Variants in MTSS2 observed in about 807,000 individuals in gnomAD.
MTSS2 encodes the protein MTSS I-BAR domain containing 2.
A neutral mutation model predicts 67.1 loss-of-function variants in MTSS2; 27 were observed. The ratio of observed to expected loss-of-function variants is 0.40; its 90% confidence interval spans 0.30 to 0.55. The LOEUF (loss-of-function observed/expected upper bound fraction) is 0.55. Ranked by LOEUF, MTSS2 falls within the 20% of genes least tolerant of loss-of-function variation. The pLI is 0.43. For synonymous variants in MTSS2, 624 were observed against 468.6 expected, an observed-to-expected ratio of 1.33 and a Z score of -4.28; for missense variants, 1,171 against 1,067.8, an observed-to-expected ratio of 1.10 and a Z score of -1.35.
At chr16:70,677,765 T>C (rs752668089) in intron 9 of MTSS2, 27 bp downstream of exon 9, 75 of 1,575,512 alleles carry the variant, frequency 4.8e-5, no homozygotes, top group South Asian at 4.3e-4. Context: ...CCCCTGGCCC[T>C]GGCCCTTGGC....
intron 11 of MTSS2, among the ~76,000 whole-genome samples, chr16:70,667,267 A>C (rs1298634896): frequency 2.3e-5 from 3 of 128,848 alleles, no homozygotes; most frequent in Non-Finnish European, 1.6e-5. Context: ...TGACAGAGCA[A>C]GACTCTGTCT....
chr16:70,680,653 C>T (rs2053274156), intron 3 of MTSS2, 141 bp downstream of exon 3: 1 of 717,796 alleles, frequency 1.4e-6, no homozygotes, highest in Admixed American at 2.5e-5. Flanking sequence ...CTCTCCACAA[C>T]CAGCCCACTC....
At chr16:70,667,848 G>C (rs1179080227) in intron 11 of MTSS2, among the ~76,000 whole-genome samples, 6 of 152,078 alleles carry the variant, frequency 3.9e-5, no homozygotes, top group Non-Finnish European at 7.3e-5. Flanking sequence ...ACTCCAGCCT[G>C]GGTGACAGAG....
chr16:70,665,316 G>T, intron 12 of MTSS2, 150 bp downstream of exon 12: 1 of 974,092 alleles, frequency 1.0e-6, no homozygotes, highest in Non-Finnish European at 1.5e-6. Flanking sequence ...GTAGGAAATG[G>T]CCAGGTGGCT....
rs141561579 is a variant in MTSS2, at chr16:70,684,711, C to T, written c.69+1012G>A. 5.6e-4 allele frequency among the ~76,000 whole-genome samples: 85 copies of T among 152,292 alleles called. No homozygotes were observed. The East Asian group carries it at 0.012, about 21-fold the overall frequency. On this transcript the variant is annotated intron_variant, in intron 1 of 14. Coordinates refer to ENST00000338779, the MANE Select transcript of MTSS2 (RefSeq NM_138383.3). ...TCCCAGCCCCCAAATCCTGCCCCTT[C>T]ATCCTAGGCTAAGGAAAGGGGGCAC...
At chr16:70,675,830 G>A (rs1360021854) in intron 10 of MTSS2, among the ~76,000 whole-genome samples, 1 of 152,170 alleles carries the variant, frequency 6.6e-6, no homozygotes, top group Non-Finnish European at 1.5e-5. Context: ...CTTCCAAGTG[G>A]GTCCTGCACC....
rs762859285 is a variant in MTSS2, at chr16:70,663,689, G to A, written c.2232C>T (p.Pro744=). ...GAGGGTGGCGCCATCATAAGATGCG[G>A]GGCGCCGACCTGTCGTTGGTGACGG... ...RRTVTNDRSA[P]RIL Residue 744 remains proline (P), a synonymous_variant, in exon 15 of 15, where the codon CCC becomes CCT. Transcript: ENST00000338779. The A allele has an allele frequency of 2.4e-5, 38 of 1,585,560 alleles. No individual in the cohort carries two copies. Among genetic ancestry groups the A allele is most frequent in the Non-Finnish European group, 3.2e-5 (37 of 1,166,986 alleles).
At position 70,676,918 on chromosome 16, in the gene MTSS2, G is replaced by C; in HGVS notation, c.793C>G (p.Pro265Ala). ...SWSYQTPPSS[P>A]SSSSSRKSSM... ...GACTTCCGGGAGCTGGAGCTGCTGG[G>C]TGATGAGGGTGGGGTCTGGTAGGAC... is the stretch of plus-strand genomic sequence containing the variant. Residue 265 changes from proline (P) to alanine (A), a missense_variant, in exon 10 of 15, where the codon CCC (proline) becomes GCC (alanine). Coordinates refer to ENST00000338779, the MANE Select transcript of MTSS2 (RefSeq NM_138383.3). 6.2e-7 allele frequency: 1 copy of C among 1,613,848 alleles called. No individual in the cohort carries two copies. The highest frequency in any genetic ancestry group is 8.5e-7 in the Non-Finnish European group (1 of 1,179,980).
At position 70,677,887 on chromosome 16, in the gene MTSS2, T is replaced by C. The variant is rs2053172053; in HGVS notation, c.637A>G (p.Thr213Ala). 3 of 1,608,628 alleles carry C rather than the reference T, an allele frequency of 1.9e-6. No homozygotes were observed. Among genetic ancestry groups the C allele is most frequent in the South Asian group, 2.2e-5 (2 of 89,492 alleles). Residue 213 changes from threonine to alanine, a missense_variant, in exon 9 of 15, where the codon ACC (threonine) becomes GCC (alanine). By Grantham distance (58) the Thr-to-Ala change is moderately conservative. This residue lies in a region of MTSS2 where 247 missense variants were observed against 311.8 expected (regional missense o/e 0.79). Coordinates refer to ENST00000338779, the MANE Select transcript of MTSS2 (RefSeq NM_138383.3). The part of the protein sequence containing the change: ...FLQPVVNGEL[T>A]MLGEITHLQG... ...AGGTGGGTGATCTCTCCCAGCATGG[T>C]CAGCTCTCCATTCTGAGGAAGCAGC... is the stretch of plus-strand genomic sequence containing the variant.
chr16:70,673,464 CG>C (rs1233167123), intron 11 of MTSS2, among the ~76,000 whole-genome samples: 1 of 152,026 alleles, frequency 6.6e-6, no homozygotes, highest in African/African-American at 2.4e-5. Flanking sequence ...CCTGGCAAAA[CG>C]AACTTTCAAG....
In MTSS2 at chr16:70,664,464, C is replaced by G. The variant is rs377261783; in HGVS notation, c.1472-15G>C. The G allele has an allele frequency of 1.5e-5, 23 of 1,538,020 alleles. No individual in the cohort carries two copies. Among genetic ancestry groups the G allele is most frequent in the Non-Finnish European group, 2.0e-5 (23 of 1,142,048 alleles). On this transcript the variant is annotated splice_polypyrimidine_tract_variant and intron_variant, in intron 14 of 14. Transcript: ENST00000338779. ...GTAGTCGGAGCCTGGGGGCACGGGA[C>G]ACAGTGAGGCCCAGGGCCCAGGTGG...
rs1016238196 is a variant in MTSS2 at position 70,661,765 on chromosome 16, C to T, written c.*1912G>A. On this transcript the variant is annotated 3_prime_UTR_variant, in exon 15 of 15. Coordinates refer to ENST00000338779, the MANE Select transcript of MTSS2 (RefSeq NM_138383.3). Reference sequence around the variant, plus strand: ...CACACGAGCCCCCCTCTCTGGGTAGCCCCTGCCTCCTTTCCCATCAGGACC... The same window carrying T: ...CACACGAGCCCCCCTCTCTGGGTAGTCCCTGCCTCCTTTCCCATCAGGACC... 1 of 194,598 alleles carries T rather than the reference C, an allele frequency of 5.1e-6. No individual in the cohort carries two copies. Among genetic ancestry groups the T allele is most frequent in the Non-Finnish European group, 1.1e-5 (1 of 94,454 alleles). The allele number at this position is 194,598 out of a possible 1,614,324, so 12.1% of individuals were successfully genotyped here. A position where few individuals can be genotyped will look rare whatever the true frequency, so the allele number is the denominator to read the frequency against.
At chr16:70,673,724 T>TA (rs201043882) in intron 11 of MTSS2, among the ~76,000 whole-genome samples, 1,611 of 150,660 alleles carry the variant, frequency 0.011, 8 homozygotes, top group African/African-American at 0.019. Context: ...GTGGGTACTG[T>TA]AAAAAAAAAG....
intron 11 of MTSS2, among the ~76,000 whole-genome samples, chr16:70,666,841 T>A (rs1597801647): frequency 6.6e-6 from 1 of 152,188 alleles, no homozygotes; most frequent in African/African-American, 2.4e-5. Flanking sequence ...ATAAAGAATA[T>A]CTACAAATGC....
chr16:70,677,786 C>T lies in MTSS2; in HGVS notation c.732+6G>A. On this transcript the variant is annotated splice_donor_region_variant and intron_variant, in intron 9 of 14. Coordinates refer to ENST00000338779, the MANE Select transcript of MTSS2 (RefSeq NM_138383.3). Reference sequence around the variant, plus strand: ...GCCCTGGCCCTTGGCCAGAGGGCTCCCGCACCTGCTCGCTGGCGGGAGGCA... The same window carrying T: ...GCCCTGGCCCTTGGCCAGAGGGCTCTCGCACCTGCTCGCTGGCGGGAGGCA... 1 of 1,604,034 alleles carries T rather than the reference C, an allele frequency of 6.2e-7. No homozygotes were observed. Among genetic ancestry groups the T allele is most frequent in the South Asian group, 1.1e-5 (1 of 88,674 alleles).
chr16:70,662,806 A>C lies in MTSS2; in HGVS notation c.*871T>G, dbSNP rs1381818545. 1 of 152,474 alleles carries C rather than the reference A, an allele frequency of 6.6e-6. No individual in the cohort carries two copies. The highest frequency in any genetic ancestry group is 1.9e-4 in the East Asian group (1 of 5,186). 9.4% of individuals were successfully genotyped at this position (152,474 alleles called of 1,614,324 possible). A position where few individuals can be genotyped will look rare whatever the true frequency, so the allele number is the denominator to read the frequency against. ...CTCCTACTGCTCCAGTCACCCCCCG[A>C]AAGGTGGCTAAAACTGTGACCCCCA... On this transcript the variant is annotated 3_prime_UTR_variant, in exon 15 of 15. Transcript: ENST00000338779.
intron 9 of MTSS2, among the ~76,000 whole-genome samples, chr16:70,677,417 T>G (rs1597819627): frequency 6.9e-6 from 1 of 144,562 alleles, no homozygotes; most frequent in Non-Finnish European, 1.5e-5. Flanking sequence ...AGGGCTGGGG[T>G]GGGGTGGCCA....
In MTSS2 at chr16:70,663,505, AC is replaced by A. The variant is rs1372184734; in HGVS notation, c.*171del. 3.1e-6 allele frequency: 4 copies of A among 1,276,224 alleles called. No homozygotes were observed. In the African/African-American group the frequency reaches 6.1e-5, roughly 19 times the overall value. 79.1% of individuals were successfully genotyped at this position (1,276,224 alleles called of 1,614,324 possible). ...TCCTGGCCAGGCTTGCTAAGAAGTC[AC>A]TTCCTGTTTAAATGCTGGAATCCAA... On this transcript the variant is annotated 3_prime_UTR_variant, in exon 15 of 15. Transcript: ENST00000338779.
At chr16:70,674,579 G>T (rs1001798972) in intron 10 of MTSS2, 51 bp from the exon 11 acceptor site, 1 of 1,535,418 alleles carries the variant, frequency 6.5e-7, no homozygotes, top group East Asian at 2.3e-5. Context: ...AGACAGAGGG[G>T]TGTGTGTTTG....
Sources: allele counts gnomAD v4.1 joint callset (sites outside exome capture counted in the v4.1 genomes callset), GRCh38; gene constraint gnomAD v4.1.1; regional missense constraint gnomAD v4.1.1; transcripts MANE v1.5; gene names NCBI Gene and HGNC (gene_info 2026-07-23, HGNC 2026-07-21).